Variants in CNBD1 observed in about 807,000 individuals in gnomAD.
CNBD1 encodes cyclic nucleotide binding domain containing 1.
CNBD1 carries 71 observed loss-of-function variants against 54.4 expected under a neutral mutation model. That is an observed-to-expected ratio of 1.30 (90% CI 1.08 to 1.59). The LOEUF (loss-of-function observed/expected upper bound fraction) is 1.59. Among genes scored for constraint, CNBD1 ranks in the 40% most tolerant of loss-of-function variants. The pLI, the probability that CNBD1 is intolerant of heterozygous loss-of-function variation, is 0.00. For synonymous variants in CNBD1, 182 were observed against 170.7 expected (o/e 1.07, Z -0.51); for missense variants, 659 against 518.0 (o/e 1.27, Z -2.64).
At chr8:87,262,402 G>GT (rs894944199) in intron 6 of CNBD1, among the ~76,000 whole-genome samples, 11 of 152,034 alleles carry the variant, frequency 7.2e-5, no homozygotes, top group African/African-American at 2.7e-4. Flanking sequence ...CTGGTGAATT[G>GT]TTTTTTCTAG....
rs572505340 is a variant in CNBD1 at position 87,274,910 on chromosome 8, T to G, written c.772-9768T>G. ...TCTAGGGTTTTTATGGTTTTAGGTGTAACGTTTAAGTCTTTAATCCATCTT... is the reference window on the plus strand; with the variant it reads ...TCTAGGGTTTTTATGGTTTTAGGTGGAACGTTTAAGTCTTTAATCCATCTT... On this transcript the variant is annotated intron_variant, in intron 6 of 10. Transcript: ENST00000518476. Among the ~76,000 whole-genome samples the G allele has an allele frequency of 2.2e-5, 3 of 134,814 alleles. 1 individual carries two copies. Among genetic ancestry groups the G allele is most frequent in the Admixed American group, 2.1e-4 (3 of 14,104 alleles). 88.4% of individuals were successfully genotyped at this position (134,814 alleles called of 152,430 possible). A position where few individuals can be genotyped will look rare whatever the true frequency, so the allele number is the denominator to read the frequency against.
intron 4 of CNBD1, among the ~76,000 whole-genome samples, chr8:86,973,755 C>G (rs969052180): frequency 1.3e-5 from 2 of 152,150 alleles, no homozygotes; most frequent in Admixed American, 6.5e-5. Flanking sequence ...GGATTAACAA[C>G]AGTTTGAGCT....
chr8:87,269,508 G>C (rs560297813), intron 6 of CNBD1, among the ~76,000 whole-genome samples: 47 of 152,066 alleles, frequency 3.1e-4, no homozygotes, highest in Non-Finnish European at 5.7e-4. Context: ...ATTGCTTTGG[G>C]CCGTATGGCC....
chr8:87,203,306 A>G (rs1418578608), intron 4 of CNBD1, among the ~76,000 whole-genome samples: 2 of 152,202 alleles, frequency 1.3e-5, no homozygotes, highest in East Asian at 1.9e-4. Flanking sequence ...CATACATACT[A>G]TTATACATTT....
Position 87,421,483 on chromosome 8 carries a change from A to T in CNBD1, c.214-7063A>T, listed in dbSNP as rs373764679. 8.6e-4 allele frequency among the ~76,000 whole-genome samples: 114 copies of T among 132,312 alleles called. 1 individual carries two copies. Among genetic ancestry groups the T allele is most frequent in the Non-Finnish European group, 1.5e-3 (96 of 64,342 alleles). 86.8% of individuals were successfully genotyped at this position (132,312 alleles called of 152,430 possible). A position where few individuals can be genotyped will look rare whatever the true frequency, so the allele number is the denominator to read the frequency against. On this transcript the variant is annotated intron_variant, in intron 2 of 7. Coordinates refer to the CNBD1 transcript ENST00000521593. ...ATGTTCCCCTTCCTGTGTCCATGTG[A>T]TCTCATTGTTCAATTCCCACCTATG...
At chr8:87,358,586 G>GATAT (rs111387763) in intron 10 of CNBD1, among the ~76,000 whole-genome samples, 3,071 of 152,078 alleles carry the variant, frequency 0.02, 101 homozygotes, top group African/African-American at 0.067. Flanking sequence ...GAACCAATAG[G>GATAT]ATATATATAA....
intron 4 of CNBD1, among the ~76,000 whole-genome samples, chr8:87,092,189 C>T (rs191481073): frequency 8.5e-5 from 13 of 152,202 alleles, no homozygotes; most frequent in Admixed American, 2.6e-4. Flanking sequence ...CTGGGAAGAA[C>T]AACTTGGCTT....
chr8:87,106,899 G>C (rs1284165096), intron 4 of CNBD1, among the ~76,000 whole-genome samples: 2 of 151,312 alleles, frequency 1.3e-5, no homozygotes, highest in Non-Finnish European at 2.9e-5. Flanking sequence ...GTGTGATCTC[G>C]GCTTACTGCA....
intron 4 of CNBD1, among the ~76,000 whole-genome samples, chr8:87,122,460 T>G (rs1811909106): frequency 6.6e-6 from 1 of 151,898 alleles, no homozygotes; most frequent in South Asian, 2.1e-4. Flanking sequence ...GTGTATGGTT[T>G]ATAAATATTT....
At chr8:87,105,951 A>G (rs1356456169) in intron 4 of CNBD1, among the ~76,000 whole-genome samples, 3 of 152,048 alleles carry the variant, frequency 2.0e-5, no homozygotes, top group Non-Finnish European at 4.4e-5. Flanking sequence ...AGCAATTGGG[A>G]CCACAGGCAA....
chr8:87,261,184 A>G lies in CNBD1; in HGVS notation c.772-23494A>G, dbSNP rs114483047. Among the ~76,000 whole-genome samples the G allele has an allele frequency of 2.1e-3, 316 of 152,208 alleles. 2 individuals are homozygous for G. The highest frequency in any genetic ancestry group is 7.2e-3 in the African/African-American group (299 of 41,546). ...ATCATGACTTGCAAACCCAGTTTGG[A>G]TGAGAAATGTGCTCAAAGAAACTCA... On this transcript the variant is annotated intron_variant, in intron 6 of 10. Coordinates refer to ENST00000518476, the MANE Select transcript of CNBD1 (RefSeq NM_173538.3).
intron 6 of CNBD1, among the ~76,000 whole-genome samples, chr8:87,272,936 C>A (rs570245930): frequency 6.6e-6 from 1 of 151,722 alleles, no homozygotes; most frequent in Non-Finnish European, 1.5e-5. Flanking sequence ...CTCGCTCTTC[C>A]AAAAATTGTT....
intron 4 of CNBD1, among the ~76,000 whole-genome samples, chr8:87,101,740 A>G (rs1811432313): frequency 6.6e-6 from 1 of 152,228 alleles, no homozygotes; most frequent in Admixed American, 6.5e-5. Context: ...TAGAATATTA[A>G]GAAATCTCAA....
At chr8:86,958,462 T>C (rs1327018360) in intron 4 of CNBD1, among the ~76,000 whole-genome samples, 1 of 152,208 alleles carries the variant, frequency 6.6e-6, no homozygotes, top group Non-Finnish European at 1.5e-5. Flanking sequence ...TGTGGGAGTC[T>C]AAGTCTCTTT....
intron 8 of CNBD1, among the ~76,000 whole-genome samples, chr8:87,302,715 A>ATGAT (rs1176224040): frequency 4.6e-5 from 7 of 151,964 alleles, no homozygotes; most frequent in Non-Finnish European, 1.0e-4. Context: ...TGCTGATGAC[A>ATGAT]TGATTGTATA....
chr8:86,991,375 T>C (rs1484019428), intron 4 of CNBD1, among the ~76,000 whole-genome samples: 1 of 151,936 alleles, frequency 6.6e-6, no homozygotes, highest in African/African-American at 2.4e-5. Context: ...ATTCTCTCTC[T>C]GACACACACT....
At chr8:86,983,402 A>G (rs1808534112) in intron 4 of CNBD1, among the ~76,000 whole-genome samples, 1 of 152,190 alleles carries the variant, frequency 6.6e-6, no homozygotes, top group African/African-American at 2.4e-5. Flanking sequence ...TGGTACCAGT[A>G]GAGTGGGGCA....
chr8:87,321,934 C>T (rs1809545256), intron 8 of CNBD1, among the ~76,000 whole-genome samples: 1 of 148,718 alleles, frequency 6.7e-6, no homozygotes. Context: ...GGTATATCTC[C>T]CAATGCTATG....
chr8:87,302,479 G>T (rs1490888758), intron 8 of CNBD1, among the ~76,000 whole-genome samples: 1 of 151,920 alleles, frequency 6.6e-6, no homozygotes, highest in Admixed American at 6.6e-5. Flanking sequence ...GGTATTGATG[G>T]GACGTATCTC....
Sources: allele counts gnomAD v4.1 joint callset (sites outside exome capture counted in the v4.1 genomes callset), GRCh38; gene constraint gnomAD v4.1.1; transcripts MANE v1.5; gene names NCBI Gene and HGNC (gene_info 2026-07-23, HGNC 2026-07-21).